The following ANKRD18B variants were observed in gnomAD, a reference collection of about 807,000 sequenced individuals.
The protein encoded by ANKRD18B is ankyrin repeat domain-containing protein 18B.
Under a neutral mutation model 111.8 loss-of-function variants are expected in ANKRD18B, and 75 were observed. The ratio of observed to expected loss-of-function variants is 0.67; its 90% CI spans 0.56 to 0.81. The LOEUF (loss-of-function observed/expected upper bound fraction) is 0.81, where lower values mean the gene tolerates loss of function less well. ANKRD18B is among the 40% of genes least tolerant of loss of function. ANKRD18B has a pLI of 0.00. For synonymous variants in ANKRD18B, 356 were observed against 417.3 expected, an observed-to-expected ratio of 0.85 and a Z score of 1.79; for missense variants, 1,038 against 1,225.5, an observed-to-expected ratio of 0.85 and a Z score of 2.28.
downstream of ANKRD18B, among the ~76,000 whole-genome samples, chr9:33,574,793 C>G (rs1157802113): frequency 1.3e-5 from 2 of 152,162 alleles, no homozygotes; most frequent in Non-Finnish European, 2.9e-5. Flanking sequence ...GCACACATGT[C>G]AGTTCAGGGG....
intron 14 of ANKRD18B, among the ~76,000 whole-genome samples, chr9:33,565,930 G>C (rs779039665): frequency 6.6e-6 from 1 of 152,274 alleles, no homozygotes; most frequent in Non-Finnish European, 1.5e-5. Flanking sequence ...AGATAACTTA[G>C]TGCCATTTAA....
chr9:33,548,188 C>G lies in ANKRD18B; in HGVS notation c.1400C>G (p.Ala467Gly). The G allele has an allele frequency of 6.5e-7, 1 of 1,548,828 alleles. No individual in the cohort carries two copies. Among genetic ancestry groups the G allele is most frequent in the South Asian group, 1.2e-5 (1 of 83,206 alleles). The change falls in exon 11 of 19, where the codon GCT (alanine) becomes GGT (glycine). Residue 467 changes from alanine (A) to glycine (G), a missense_variant. Around this residue, in one of 4 missense-constraint regions of ANKRD18B, gnomAD observed 205 missense variants for 201.3 expected, o/e 1.02. Transcript: ENST00000684830. ...QYSQQLNDLK[A>G]ENARLNSKLE... ...TCGCAACAGCTTAATGATCTGAAAG[C>G]TGAGAATGCAAGGCTGAATTCAAAA...
intron 12 of ANKRD18B, among the ~76,000 whole-genome samples, chr9:33,555,159 A>G (rs543461874): frequency 3.9e-5 from 6 of 152,198 alleles, no homozygotes; most frequent in Non-Finnish European, 7.4e-5. Flanking sequence ...TTTGTGTATT[A>G]TAGAAAAAAT....
chr9:33,561,298 G>A (rs1828603134), intron 14 of ANKRD18B, among the ~76,000 whole-genome samples: 2 of 152,168 alleles, frequency 1.3e-5, no homozygotes, highest in Non-Finnish European at 2.9e-5. Flanking sequence ...ATTACATTAA[G>A]CATCTATTAA....
At chr9:33,532,016 C>T (rs1171161778) in intron 3 of ANKRD18B, among the ~76,000 whole-genome samples, 5 of 152,192 alleles carry the variant, frequency 3.3e-5, no homozygotes, top group Admixed American at 6.5e-5. Context: ...GGGCAGATCA[C>T]GAGGTCAGGA....
intron 14 of ANKRD18B, 26 bp downstream of exon 14, chr9:33,558,213 C>T: frequency 6.3e-6 from 10 of 1,582,742 alleles, no homozygotes; most frequent in African/African-American, 1.4e-5. Context: ...ATTATTTTAT[C>T]TTAAGGTCTA....
intron 14 of ANKRD18B, among the ~76,000 whole-genome samples, chr9:33,563,600 G>A (rs1828644240): frequency 6.7e-6 from 1 of 150,254 alleles, no homozygotes; most frequent in South Asian, 2.2e-4. Context: ...CATCAGTAAG[G>A]ATGGCCCATA....
At chr9:33,563,889 C>A (rs1239381243) in intron 14 of ANKRD18B, among the ~76,000 whole-genome samples, 1 of 152,210 alleles carries the variant, frequency 6.6e-6, no homozygotes, top group East Asian at 1.9e-4. Context: ...TTCCTCTTAT[C>A]TAACTGTAAT....
At chr9:33,530,803 C>A (rs1232362296) in intron 3 of ANKRD18B, among the ~76,000 whole-genome samples, 1 of 152,184 alleles carries the variant, frequency 6.6e-6, no homozygotes, top group Non-Finnish European at 1.5e-5. Context: ...TGCTTCCCAC[C>A]ATGAATCATT....
At chr9:33,525,924 T>A (rs1828019402) in intron 1 of ANKRD18B, among the ~76,000 whole-genome samples, 1 of 151,692 alleles carries the variant, frequency 6.6e-6, no homozygotes. Flanking sequence ...AAAAAGCACA[T>A]CTTTATTTTA....
In ANKRD18B at chr9:33,569,619, G is replaced by A. The variant is rs149943636; in HGVS notation, c.3177+726G>A. 3.4e-4 allele frequency among the ~76,000 whole-genome samples: 51 copies of A among 152,144 alleles called. 1 individual carries two copies. Among genetic ancestry groups the A allele is most frequent in the Admixed American group, 2.6e-3 (40 of 15,280 alleles). On this transcript the variant is annotated intron_variant, in intron 17 of 18. Transcript: ENST00000684830. The stretch of plus-strand genomic sequence containing the variant: ...ACTCTTTCCACCCATAATCACAAGC[G>A]AATGACAGGCAACCAAACACTTAAC...
At chr9:33,566,978 G>A in intron 15 of ANKRD18B, 125 bp from the exon 16 acceptor site, 1 of 864,064 alleles carries the variant, frequency 1.2e-6, no homozygotes, top group Non-Finnish European at 1.7e-6. Flanking sequence ...AATATTTTAA[G>A]CTTCAGCCTC....
chr9:33,543,592 G>A (rs998251956), intron 10 of ANKRD18B, among the ~76,000 whole-genome samples: 5 of 152,016 alleles, frequency 3.3e-5, no homozygotes, highest in African/African-American at 9.7e-5. Context: ...GCAATTGAAC[G>A]GTGATGGCCA....
rs565317606 is a variant in ANKRD18B, at chr9:33,558,601, G to A, written c.2460+414G>A. ...TTTTTTTATCCTGTCTATCATTATG[G>A]ACATCTGGGTTGATTCCATGTCTTT... is the stretch of plus-strand genomic sequence containing the variant. On this transcript the variant is annotated intron_variant, in intron 14 of 18. Coordinates refer to ENST00000684830, the MANE Select transcript of ANKRD18B (RefSeq NM_001393611.1). Among the ~76,000 whole-genome samples, 40 of 152,168 alleles carry A rather than the reference G, an allele frequency of 2.6e-4. 1 individual carries two copies. The South Asian group carries it at 6.7e-3, about 25-fold the overall frequency.
rs1828069173 is a variant in ANKRD18B at position 33,529,012 on chromosome 9, C to T, written c.334C>T (p.Gln112Ter). Residue 112 changes from glutamine to a stop codon, truncating the protein, a stop_gained, in exon 3 of 19, where the codon CAG becomes TAG. Transcript: ENST00000684830. LOFTEE classifies it high-confidence loss of function. ...RTPLMKAVHC[Q>*]EEACAIILLK... ...CTAACACTAATAGGCTGTACACTGCCAGGAAGAGGCTTGTGCCATTATTCT... is the reference window on the plus strand; with the variant it reads ...CTAACACTAATAGGCTGTACACTGCTAGGAAGAGGCTTGTGCCATTATTCT... 4 of 1,612,444 alleles carry T rather than the reference C, an allele frequency of 2.5e-6. No individual in the cohort carries two copies. The highest frequency in any genetic ancestry group is 3.4e-6 in the Non-Finnish European group (4 of 1,179,878).
chr9:33,558,575 A>AT, intron 14 of ANKRD18B, among the ~76,000 whole-genome samples: 1 of 152,004 alleles, frequency 6.6e-6, no homozygotes, highest in East Asian at 1.9e-4. Context: ...TATACACCAC[A>AT]TTTTTTTATC....
chr9:33,524,841 C>G (rs990835455), intron 1 of ANKRD18B, 146 bp downstream of exon 1: 338 of 1,032,318 alleles, frequency 3.3e-4, no homozygotes, highest in Non-Finnish European at 4.1e-4. Context: ...CTGGGAATTT[C>G]CCGCCTGTAG....
rs55918212 is a variant in ANKRD18B, at chr9:33,547,681, AGTGTGTGTGTGTGTGT to A, written c.1150-228_1150-213del. On this transcript the variant is annotated intron_variant, in intron 10 of 18. Coordinates refer to ENST00000684830, the MANE Select transcript of ANKRD18B (RefSeq NM_001393611.1). ...TCTGATATTCTTAAAAATTCTCTAGAGTGTGTGTGTGTGTGTGTGTGTGTGTGTGTGTGTGTGTGTG... is the reference window on the plus strand; with the variant it reads ...TCTGATATTCTTAAAAATTCTCTAGAGTGTGTGTGTGTGTGTGTGTGTGTG... Among the ~76,000 whole-genome samples the A allele has an allele frequency of 1.6e-4, 23 of 146,276 alleles. 1 individual carries two copies. The highest frequency in any genetic ancestry group is 6.6e-4 in the South Asian group (3 of 4,552).
In ANKRD18B at chr9:33,540,200, C is replaced by G. The variant is rs531058774; in HGVS notation, c.985C>G (p.Arg329Gly). The change falls in exon 8 of 19, where the codon CGA becomes GGA. Residue 329 changes from arginine to glycine, a missense_variant. Arg to Gly is a moderately radical substitution (Grantham distance 125). Coordinates refer to ENST00000684830, the MANE Select transcript of ANKRD18B (RefSeq NM_001393611.1). Reference sequence around the variant, plus strand: ...GAGGAGCTGGGACAACAGGCACATGCGACCATGCCCAGGTAATTTTTGTAT... The same window carrying G: ...GAGGAGCTGGGACAACAGGCACATGGGACCATGCCCAGGTAATTTTTGTAT... ...LPRSWDNRHM[R>G]PCPETAAMKP... 5 of 151,006 alleles carry G rather than the reference C, an allele frequency of 3.3e-5. No homozygotes were observed. The highest frequency in any genetic ancestry group is 1.3e-4 in the Admixed American group (2 of 15,138). 9.4% of individuals were successfully genotyped at this position (151,006 alleles called of 1,614,324 possible).
Sources: gnomAD v4.1 joint callset for allele counts (sites outside exome capture counted in the v4.1 genomes callset) on GRCh38, gnomAD v4.1.1 for gene constraint, gnomAD v4.1.1 regional missense constraint, MANE v1.5 for transcripts, NCBI Gene and HGNC (gene_info 2026-07-23, HGNC 2026-07-21) for gene names.